The following CNTN5 variants were observed in gnomAD, a reference collection of about 807,000 sequenced individuals.
CNTN5 encodes the protein contactin 5.
Under a neutral mutation model 129.1 loss-of-function variants are expected in CNTN5, and 77 were observed. That is an observed-to-expected ratio of 0.60 (90% confidence interval 0.50 to 0.72). The LOEUF (loss-of-function observed/expected upper bound fraction) is 0.72. CNTN5 is among the 30% of genes least tolerant of loss of function. The pLI is 0.00. For synonymous variants in CNTN5, 509 were observed against 465.6 expected, an observed-to-expected ratio of 1.09 and a Z score of -1.20; for missense variants, 1,478 against 1,328.8, an observed-to-expected ratio of 1.11 and a Z score of -1.75.
intron 1 of CNTN5, among the ~76,000 whole-genome samples, chr11:99,272,676 A>C (rs1863231071): frequency 6.6e-6 from 1 of 151,874 alleles, no homozygotes; most frequent in Admixed American, 6.6e-5. Context: ...TTTAAAAATT[A>C]ATCTGTACCA....
intron 2 of CNTN5, among the ~76,000 whole-genome samples, chr11:99,514,935 T>A (rs1291025511): frequency 6.6e-6 from 1 of 152,064 alleles, no homozygotes; most frequent in Non-Finnish European, 1.5e-5. Context: ...GGACCTATCA[T>A]GGTTAAAGAA....
At chr11:99,298,570 T>C (rs1167863916) in intron 1 of CNTN5, among the ~76,000 whole-genome samples, 1 of 152,180 alleles carries the variant, frequency 6.6e-6, no homozygotes, top group African/African-American at 2.4e-5. Context: ...GGAATCTTTT[T>C]AGGCCATATT....
intron 1 of CNTN5, among the ~76,000 whole-genome samples, chr11:99,054,232 C>T (rs1418131514): frequency 6.6e-6 from 1 of 151,768 alleles, no homozygotes; most frequent in Non-Finnish European, 1.5e-5. Context: ...CATGACAAAC[C>T]TGGTAATCTG....
chr11:100,293,167 G>A (rs1046520691), intron 18 of CNTN5, among the ~76,000 whole-genome samples: 1 of 151,580 alleles, frequency 6.6e-6, no homozygotes. Flanking sequence ...CCTATTCTTT[G>A]CATTTAGTTC....
At chr11:99,962,223 A>G (rs887362301) in intron 8 of CNTN5, among the ~76,000 whole-genome samples, 61 of 152,106 alleles carry the variant, frequency 4.0e-4, no homozygotes, top group African/African-American at 1.5e-3. Flanking sequence ...TTAGTTACAT[A>G]TGTATACATG....
At chr11:99,503,325 T>C (rs1284991508) in intron 2 of CNTN5, among the ~76,000 whole-genome samples, 1 of 152,200 alleles carries the variant, frequency 6.6e-6, no homozygotes, top group Non-Finnish European at 1.5e-5. Flanking sequence ...CATCTTTATT[T>C]ATTGCTACAC....
chr11:99,792,826 A>G (rs1047424819), intron 3 of CNTN5, among the ~76,000 whole-genome samples: 1 of 151,954 alleles, frequency 6.6e-6, no homozygotes, highest in Non-Finnish European at 1.5e-5. Context: ...CTGTTCAGGG[A>G]TTCACTGTCT....
intron 2 of CNTN5, among the ~76,000 whole-genome samples, chr11:99,435,799 C>G (rs1943576766): frequency 6.6e-6 from 1 of 152,132 alleles, no homozygotes; most frequent in African/African-American, 2.4e-5. Flanking sequence ...CATAGACAAG[C>G]TTCAATTAGG....
chr11:99,871,902 A>G (rs1320967695), intron 6 of CNTN5, among the ~76,000 whole-genome samples: 2 of 151,600 alleles, frequency 1.3e-5, no homozygotes, highest in Non-Finnish European at 2.9e-5. Flanking sequence ...CATATTGGCT[A>G]TATGCATTCT....
At chr11:99,318,179 A>G (rs1208223385) in intron 1 of CNTN5, among the ~76,000 whole-genome samples, 2 of 152,228 alleles carry the variant, frequency 1.3e-5, no homozygotes, top group African/African-American at 2.4e-5. Flanking sequence ...TGTTCTATTG[A>G]TAACTTTAAG....
chr11:99,826,082 T>C (rs1209597514), intron 4 of CNTN5, among the ~76,000 whole-genome samples: 9 of 152,180 alleles, frequency 5.9e-5, no homozygotes, highest in African/African-American at 1.9e-4. Flanking sequence ...AGCATATTTA[T>C]TTTAAAGTCC....
intron 2 of CNTN5, among the ~76,000 whole-genome samples, chr11:99,408,448 G>GAGAAGAAAGAA (rs1555137776): frequency 3.8e-5 from 3 of 78,132 alleles, no homozygotes; most frequent in South Asian, 5.3e-4. Flanking sequence ...AAGAAAGAAA[G>GAGAAGAAAGAA]AGAAAGAAAG....
intron 2 of CNTN5, among the ~76,000 whole-genome samples, chr11:99,384,048 G>A (rs1394382509): frequency 6.6e-6 from 1 of 152,164 alleles, no homozygotes; most frequent in Non-Finnish European, 1.5e-5. Context: ...CATTACTAGT[G>A]CGTTGCTGAT....
At chr11:100,209,562 T>C (rs766116074) in intron 15 of CNTN5, among the ~76,000 whole-genome samples, 2 of 152,240 alleles carry the variant, frequency 1.3e-5, no homozygotes, top group African/African-American at 2.4e-5. Flanking sequence ...GAAACATTAA[T>C]TTCTAATGAA....
At chr11:99,127,660 T>C (rs1054857949) in intron 1 of CNTN5, among the ~76,000 whole-genome samples, 1 of 152,206 alleles carries the variant, frequency 6.6e-6, no homozygotes, top group African/African-American at 2.4e-5. Flanking sequence ...TTCCTTCGGC[T>C]CTTTGCACTT....
rs1242007088 is a variant in CNTN5 at position 99,408,274 on chromosome 11, A to G, written c.-71+82790A>G. Among the ~76,000 whole-genome samples, 16 of 150,964 alleles carry G rather than the reference A, an allele frequency of 1.1e-4. No individual in the cohort carries two copies. The Admixed American group carries it at 1.1e-3, about 10-fold the overall frequency. On this transcript the variant is annotated intron_variant, in intron 2 of 24. Transcript: ENST00000524871. ...TACTCTGTTGCCCAGGCTGGAGTGC[A>G]GTGGTGCGATCATAGCTCACTGCAG...
intron 10 of CNTN5, among the ~76,000 whole-genome samples, chr11:100,066,951 G>C (rs1172449827): frequency 6.6e-6 from 1 of 151,726 alleles, no homozygotes; most frequent in African/African-American, 2.4e-5. Flanking sequence ...TCAGATTACA[G>C]CCTAAGACAA....
At chr11:99,023,891 T>C (rs1862995736) in intron 1 of CNTN5, among the ~76,000 whole-genome samples, 1 of 152,186 alleles carries the variant, frequency 6.6e-6, no homozygotes, top group Non-Finnish European at 1.5e-5. Flanking sequence ...TGATTTTATC[T>C]CTCTTTCTTC....
intron 7 of CNTN5, among the ~76,000 whole-genome samples, chr11:99,949,634 C>A (rs894267477): frequency 4.6e-5 from 7 of 152,266 alleles, no homozygotes; most frequent in African/African-American, 1.7e-4. Flanking sequence ...AAATTAAAAA[C>A]CCCTTAGCAA....
Sources: allele counts gnomAD v4.1 joint callset (sites outside exome capture counted in the v4.1 genomes callset), GRCh38; gene constraint gnomAD v4.1.1; transcripts MANE v1.5; gene names NCBI Gene and HGNC (gene_info 2026-07-23, HGNC 2026-07-21).